Variants in MAN1C1 observed in about 807,000 individuals in gnomAD.
MAN1C1 encodes the protein mannosidase alpha class 1C member 1, also known as mannosyl-oligosaccharide 1,2-alpha-mannosidase IC.
In MAN1C1, 49 loss-of-function variants were observed where a neutral mutation model predicts 71.5. The ratio of observed to expected loss-of-function variants is 0.69; its 90% CI spans 0.54 to 0.87. The LOEUF is 0.87. MAN1C1 is among the 40% of genes least tolerant of loss of function. The probability of loss-of-function intolerance (pLI) is 0.00; values close to 1 mark genes in which losing one functional copy is unlikely to be tolerated. For synonymous variants in MAN1C1, 352 were observed against 343.7 expected (o/e 1.02, Z -0.27); for missense variants, 743 against 835.0 (o/e 0.89, Z 1.36).
chr1:25,637,908 T>TA (rs59296644), intron 1 of MAN1C1, among the ~76,000 whole-genome samples: 123,866 of 151,808 alleles, frequency 0.82, 51,454 homozygotes, highest in East Asian at 0.99. Context: ...TCCATCCTTT[T>TA]TTTTTTTAAC....
intron 2 of MAN1C1, among the ~76,000 whole-genome samples, chr1:25,721,691 A>G: frequency 6.6e-6 from 1 of 152,244 alleles, no homozygotes; most frequent in East Asian, 1.9e-4. Flanking sequence ...TTTTTCATTT[A>G]CAAGATGTGT....
Position 25,781,113 on chromosome 1 carries a change from G to C in MAN1C1, c.1650+1G>C. The C allele has an allele frequency of 6.2e-7, 1 of 1,613,768 alleles. No homozygotes were observed. The highest frequency in any genetic ancestry group is 8.5e-7 in the Non-Finnish European group (1 of 1,179,850). On this transcript the variant is annotated splice_donor_variant, in intron 10 of 11. Transcript: ENST00000374332. LOFTEE classifies it high-confidence loss of function. ...GGAGTGGGGCTGGGAGGTGGTGCTG[G>C]TGAGTGGGCCCCAGGGATGGGCAGC...
intron 2 of MAN1C1, among the ~76,000 whole-genome samples, chr1:25,690,380 C>T (rs1042555607): frequency 5.6e-4 from 84 of 151,246 alleles, no homozygotes; most frequent in African/African-American, 1.9e-3. Context: ...TCAGCCGCTG[C>T]CTCCCAGGTT....
chr1:25,661,721 T>C (rs1315682516), intron 1 of MAN1C1, among the ~76,000 whole-genome samples: 1 of 152,246 alleles, frequency 6.6e-6, no homozygotes. Context: ...CCTCCCAATG[T>C]AATGATTTGC....
intron 6 of MAN1C1, chr1:25,761,436 ACTT>A (rs1270435055): frequency 6.6e-6 from 1 of 152,118 alleles, no homozygotes; most frequent in Non-Finnish European, 1.5e-5. Flanking sequence ...CATTCTGAAT[ACTT>A]AAGTTAGCAA....
At chr1:25,688,534 G>A (rs548868829) in intron 2 of MAN1C1, among the ~76,000 whole-genome samples, 11 of 152,172 alleles carry the variant, frequency 7.2e-5, no homozygotes, top group Non-Finnish European at 1.3e-4. Flanking sequence ...TTCTGGGAGG[G>A]ATTCCATTTT....
chr1:25,732,570 G>A (rs1016513734), intron 2 of MAN1C1, among the ~76,000 whole-genome samples: 6 of 152,202 alleles, frequency 3.9e-5, no homozygotes, highest in African/African-American at 1.2e-4. Context: ...CGTCTGCGGC[G>A]TCCGGCATTT....
intron 1 of MAN1C1, among the ~76,000 whole-genome samples, chr1:25,655,797 T>A (rs902964327): frequency 1.2e-4 from 18 of 152,188 alleles, no homozygotes; most frequent in African/African-American, 3.6e-4. Context: ...GGAGAGTTAA[T>A]AGGAGAGTGA....
intron 2 of MAN1C1, chr1:25,709,829 T>G (rs1389097296): frequency 6.6e-6 from 1 of 152,202 alleles, no homozygotes; most frequent in Non-Finnish European, 1.5e-5. Flanking sequence ...CACTGCAACT[T>G]CTGCCTCCCG....
intron 2 of MAN1C1, among the ~76,000 whole-genome samples, chr1:25,693,973 T>A (rs2124197013): frequency 6.6e-6 from 1 of 152,352 alleles, no homozygotes; most frequent in Middle Eastern, 3.4e-3. Flanking sequence ...AAATGTAGGC[T>A]GCTGTGATTA....
At chr1:25,681,979 C>T (rs904940918) in intron 1 of MAN1C1, among the ~76,000 whole-genome samples, 4 of 151,850 alleles carry the variant, frequency 2.6e-5, no homozygotes, top group African/African-American at 7.3e-5. Flanking sequence ...ATTTATTTTT[C>T]TGTACTAGCT....
intron 6 of MAN1C1, 92 bp from the exon 7 acceptor site, chr1:25,763,782 A>T: frequency 9.9e-7 from 1 of 1,010,956 alleles, no homozygotes; most frequent in East Asian, 2.4e-5. Context: ...TCCTCCATGC[A>T]TCTGAACCAG....
At chr1:25,638,107 C>T (rs556527035) in intron 1 of MAN1C1, among the ~76,000 whole-genome samples, 3 of 151,936 alleles carry the variant, frequency 2.0e-5, no homozygotes, top group South Asian at 2.1e-4. Flanking sequence ...TCCTTTGTTT[C>T]GTTTTTCCTT....
chr1:25,744,213 T>G (rs1453577985), intron 2 of MAN1C1, among the ~76,000 whole-genome samples: 1 of 152,154 alleles, frequency 6.6e-6, no homozygotes, highest in African/African-American at 2.4e-5. Flanking sequence ...TTGCTCAGTC[T>G]GCCTGGGCTC....
intron 2 of MAN1C1, among the ~76,000 whole-genome samples, chr1:25,717,005 C>T (rs1036012923): frequency 3.3e-5 from 5 of 152,120 alleles, no homozygotes; most frequent in African/African-American, 1.2e-4. Context: ...ATAGTTGCTC[C>T]TGTGTATTGT....
At chr1:25,763,265 C>CA (rs898202862) in intron 6 of MAN1C1, among the ~76,000 whole-genome samples, 10 of 148,584 alleles carry the variant, frequency 6.7e-5, no homozygotes, top group South Asian at 2.1e-4. Context: ...GAGACTGTCT[C>CA]AAAAAAAAAG....
intron 1 of MAN1C1, among the ~76,000 whole-genome samples, chr1:25,641,767 A>G (rs1381815841): frequency 6.6e-6 from 1 of 152,240 alleles, no homozygotes; most frequent in Admixed American, 6.5e-5. Context: ...TGTATTTATT[A>G]AGACCTGCAC....
At chr1:25,766,079 G>GT (rs768001600) in intron 7 of MAN1C1, among the ~76,000 whole-genome samples, 11 of 152,184 alleles carry the variant, frequency 7.2e-5, no homozygotes, top group Non-Finnish European at 2.9e-5. Flanking sequence ...TGAAAGGGGT[G>GT]TGGGCTTCCT....
chr1:25,662,056 C>G (rs1214017144), intron 1 of MAN1C1, among the ~76,000 whole-genome samples: 1 of 152,182 alleles, frequency 6.6e-6, no homozygotes, highest in African/African-American at 2.4e-5. Context: ...CAGGCCCTTG[C>G]AGGTAGTCAG....
Sources: gnomAD v4.1 joint callset for allele counts (sites outside exome capture counted in the v4.1 genomes callset) on GRCh38, gnomAD v4.1.1 for gene constraint, MANE v1.5 for transcripts, NCBI Gene and HGNC (gene_info 2026-07-23, HGNC 2026-07-21) for gene names.